LRRK1: variants seen among roughly 807,000 people sequenced by gnomAD.
The protein encoded by LRRK1 is leucine rich repeat kinase 1.
A neutral mutation model predicts 209.1 loss-of-function variants in LRRK1; 113 were observed. The observed-to-expected ratio is 0.54, with a 90% CI of 0.46 to 0.63. LRRK1 has a LOEUF of 0.63. Among genes scored for constraint, LRRK1 ranks in the 30% least tolerant of loss-of-function variants. The pLI is 0.00. For synonymous variants in LRRK1, 1,144 were observed against 1,099.7 expected (o/e 1.04, Z -0.80); for missense variants, 2,284 against 2,632.2 (o/e 0.87, Z 2.89).
chr15:101,049,466 A>C, intron 22 of LRRK1, 178 bp from the exon 23 acceptor site: 1 of 614,828 alleles, frequency 1.6e-6, no homozygotes. Context: ...GGTCCGGGGC[A>C]AGAACAAGGC....
At chr15:101,023,325 T>G (rs2033882749) in intron 15 of LRRK1, among the ~76,000 whole-genome samples, 1 of 152,138 alleles carries the variant, frequency 6.6e-6, no homozygotes, top group Non-Finnish European at 1.5e-5. Flanking sequence ...CAAGACTCCA[T>G]TCAAAAAAAA....
intron 2 of LRRK1, among the ~76,000 whole-genome samples, chr15:100,962,816 TATATATA>T (rs1449871836): frequency 0.031 from 1,011 of 32,730 alleles, 89 homozygotes; most frequent in African/African-American, 0.048. Context: ...TATATATATA[TATATATA>T]TTTTTTTTTT....
chr15:100,982,280 C>T (rs2031645883), intron 3 of LRRK1, among the ~76,000 whole-genome samples: 1 of 152,252 alleles, frequency 6.6e-6, no homozygotes, highest in African/African-American at 2.4e-5. Context: ...TTCAAGCCCA[C>T]AGGAGGCAGC....
At chr15:101,005,289 C>A (rs963942604) in intron 6 of LRRK1, among the ~76,000 whole-genome samples, 2 of 152,172 alleles carry the variant, frequency 1.3e-5, no homozygotes, top group African/African-American at 4.8e-5. Flanking sequence ...TCCAAAGACT[C>A]CTACCCAAAG....
chr15:100,937,589 C>T (rs2042324188), intron 2 of LRRK1, among the ~76,000 whole-genome samples: 1 of 151,842 alleles, frequency 6.6e-6, no homozygotes, highest in Non-Finnish European at 1.5e-5. Context: ...GGCTGGAGTG[C>T]AGTGGCGCGA....
chr15:100,941,263 T>G (rs867294472), intron 2 of LRRK1, among the ~76,000 whole-genome samples: 1 of 149,518 alleles, frequency 6.7e-6, no homozygotes. Context: ...TGTGTGTCTG[T>G]GTCTCTGTGT....
intron 2 of LRRK1, among the ~76,000 whole-genome samples, chr15:100,950,928 G>C (rs368862735): frequency 0.011 from 1,648 of 151,578 alleles, 13 homozygotes; most frequent in African/African-American, 0.014. Context: ...ACGGTGAAAC[G>C]CCATCTCTAC....
rs1003810687 is a variant in LRRK1 at position 101,073,889 on chromosome 15, T to C, written c.*5041T>C. The C allele has an allele frequency of 6.6e-6, 1 of 152,146 alleles. No individual in the cohort carries two copies. The highest frequency in any genetic ancestry group is 2.4e-5 in the African/African-American group (1 of 41,438). 9.4% of individuals were successfully genotyped at this position (152,146 alleles called of 1,614,324 possible). ...TTCAACTCACACCTGACCTAAAACCTAAATGCCTTATTTTCTTCTGCAATG... is the reference window on the plus strand; with the variant it reads ...TTCAACTCACACCTGACCTAAAACCCAAATGCCTTATTTTCTTCTGCAATG... On this transcript the variant is annotated 3_prime_UTR_variant, in exon 34 of 34. Coordinates refer to ENST00000388948, the MANE Select transcript of LRRK1 (RefSeq NM_024652.6).
intron 2 of LRRK1, among the ~76,000 whole-genome samples, chr15:100,959,895 CATG>C (rs2042841061): frequency 2.0e-5 from 3 of 152,082 alleles, no homozygotes; most frequent in Admixed American, 2.0e-4. Context: ...CAGTAGATGG[CATG>C]ATTGGAAAAC....
chr15:100,999,881 G>A (rs1043228703), intron 6 of LRRK1, among the ~76,000 whole-genome samples: 1 of 152,210 alleles, frequency 6.6e-6, no homozygotes, highest in African/African-American at 2.4e-5. Flanking sequence ...ATTGTTACAT[G>A]TTGACTGTTT....
rs1455180731 is a variant in LRRK1 at position 101,075,131 on chromosome 15, C to G, written c.*6283C>G. ...TTAATCAATACGGAGGCTACCCACT[C>G]CACATTACCTTCTTTTCAAGGGCCT... On this transcript the variant is annotated 3_prime_UTR_variant, in exon 34 of 34. Coordinates refer to ENST00000388948, the MANE Select transcript of LRRK1 (RefSeq NM_024652.6). 4.7e-4 allele frequency: 31 copies of G among 65,470 alleles called. 6 individuals are homozygous for G. The highest frequency in any genetic ancestry group is 3.5e-3 in the East Asian group (12 of 3,466). The allele number at this position is 65,470 out of a possible 1,614,324, so 4.1% of individuals were successfully genotyped here.
In LRRK1 at chr15:101,073,945, G is replaced by A. The variant is rs1051668989; in HGVS notation, c.*5097G>A. On this transcript the variant is annotated 3_prime_UTR_variant, in exon 34 of 34. Transcript: ENST00000388948. Reference sequence around the variant, plus strand: ...TGACCCCAATACAAACTCAACAGTAGTTCCAAATAGCCGGAAAACAGCACT... The same window carrying A: ...TGACCCCAATACAAACTCAACAGTAATTCCAAATAGCCGGAAAACAGCACT... The A allele has an allele frequency of 1.3e-5, 2 of 152,150 alleles. No individual in the cohort carries two copies. Among genetic ancestry groups the A allele is most frequent in the African/African-American group, 2.4e-5 (1 of 41,422 alleles). The allele number at this position is 152,150 out of a possible 1,614,324, so 9.4% of individuals were successfully genotyped here.
rs944767940 is a variant in LRRK1, at chr15:101,066,674, A to G, written c.5803A>G (p.Lys1935Glu). Residue 1935 changes from lysine to glutamate, a missense_variant, in exon 33 of 34, where the codon AAG becomes GAG. Transcript: ENST00000388948. ...AGATGTTATCGTCATTGGCCTGGAG[A>G]AGGATTCTGGCGCCCAGCGGGGCCG... The part of the protein sequence containing the change: ...GGDVIVIGLE[K>E]DSGAQRGRVI... 9 of 1,614,148 alleles carry G rather than the reference A, an allele frequency of 5.6e-6. No individual in the cohort carries two copies. Among genetic ancestry groups the G allele is most frequent in the South Asian group, 4.4e-5 (4 of 91,074 alleles).
intron 20 of LRRK1, among the ~76,000 whole-genome samples, chr15:101,030,413 G>A (rs1339850971): frequency 1.3e-5 from 2 of 152,164 alleles, no homozygotes; most frequent in Non-Finnish European, 2.9e-5. Context: ...TCCGCCAAAG[G>A]AAGAATCCTC....
rs1023795250 is a variant in LRRK1, at chr15:101,063,098, CCCTCCATCTCTG to C, written c.4914+414_4914+425del. Among the ~76,000 whole-genome samples the C allele has an allele frequency of 1.7e-4, 26 of 152,098 alleles. No individual in the cohort carries two copies. In the South Asian group the frequency reaches 2.9e-3, roughly 17 times the overall value. On this transcript the variant is annotated intron_variant, in intron 31 of 33. Transcript: ENST00000388948. ...AGGTCCTGGAGGTCCTGATCTCCCT[CCCTCCATCTCTG>C]CCTCCCGCCAAGTACTCGCCGTCTT...
intron 2 of LRRK1, among the ~76,000 whole-genome samples, chr15:100,964,371 T>C (rs1012322394): frequency 4.0e-5 from 6 of 151,898 alleles, no homozygotes; most frequent in African/African-American, 9.7e-5. Context: ...TGATATCTGG[T>C]GAAAAAAGAA....
At chr15:101,010,970 A>G (rs1291202320) in intron 9 of LRRK1, 133 bp downstream of exon 9, 2 of 726,748 alleles carry the variant, frequency 2.8e-6, no homozygotes, top group African/African-American at 1.8e-5. Flanking sequence ...CGGTTCCCAC[A>G]TTGTAAGCAT....
At chr15:101,052,516 A>C in intron 24 of LRRK1, among the ~76,000 whole-genome samples, 1 of 152,140 alleles carries the variant, frequency 6.6e-6, no homozygotes, top group East Asian at 1.9e-4. Context: ...TGGACCCCTC[A>C]AATCTGTTCT....
intron 12 of LRRK1, among the ~76,000 whole-genome samples, chr15:101,018,597 C>A (rs955096486): frequency 2.6e-4 from 39 of 152,258 alleles, no homozygotes; most frequent in Admixed American, 2.5e-3. Flanking sequence ...CAATGAGACG[C>A]CAGTGGGGAA....
Sources: allele counts gnomAD v4.1 joint callset (sites outside exome capture counted in the v4.1 genomes callset), GRCh38; gene constraint gnomAD v4.1.1; transcripts MANE v1.5; gene names NCBI Gene and HGNC (gene_info 2026-07-23, HGNC 2026-07-21).